The following UBASH3B variants were observed in gnomAD, a reference collection of about 807,000 sequenced individuals.
UBASH3B encodes ubiquitin-associated and SH3 domain-containing protein B.
UBASH3B carries 37 observed loss-of-function variants against 83.4 expected under a neutral mutation model. That is an observed-to-expected ratio of 0.44 (90% confidence interval 0.34 to 0.58). UBASH3B has a LOEUF of 0.58. Ranked by LOEUF, UBASH3B falls within the 20% of genes least tolerant of loss-of-function variation. The probability of loss-of-function intolerance (pLI) is 0.01; values close to 1 mark genes in which losing one functional copy is unlikely to be tolerated. For missense variants in UBASH3B, 657 were observed against 827.2 expected, an observed-to-expected ratio of 0.79 and a Z score of 2.52; for synonymous variants, 304 against 318.3, an observed-to-expected ratio of 0.96 and a Z score of 0.48.
chr11:122,662,972 C>CTTTTTTTTTTTTTTT (rs568564848), intron 1 of UBASH3B, among the ~76,000 whole-genome samples: 6 of 110,596 alleles, frequency 5.4e-5, no homozygotes, highest in African/African-American at 1.8e-4. Flanking sequence ...GCGCTAATGT[C>CTTTTTTTTTTTTTTT]TTTTTTTTTT....
chr11:122,802,088 A>G (rs1229375394), intron 11 of UBASH3B, among the ~76,000 whole-genome samples: 1 of 152,172 alleles, frequency 6.6e-6, no homozygotes, highest in East Asian at 1.9e-4. Context: ...AGGCCGAGGC[A>G]GGTGGATCGT....
In UBASH3B at chr11:122,810,775, T is replaced by C. The variant is rs1861432678; in HGVS notation, c.*889T>C. 6.6e-6 allele frequency: 1 copy of C among 152,236 alleles called. No individual in the cohort carries two copies. Among genetic ancestry groups the C allele is most frequent in the Non-Finnish European group, 1.5e-5 (1 of 68,042 alleles). 9.4% of individuals were successfully genotyped at this position (152,236 alleles called of 1,614,324 possible). A position where few individuals can be genotyped will look rare whatever the true frequency, so the allele number is the denominator to read the frequency against. ...CCCCTAGACTCTAGACTATGTTAAC[T>C]AGTTAAGGATGTTACATTTTGAAAG... On this transcript the variant is annotated 3_prime_UTR_variant, in exon 14 of 14. Transcript: ENST00000284273.
intron 1 of UBASH3B, among the ~76,000 whole-genome samples, chr11:122,657,803 G>A (rs1863383775): frequency 6.6e-6 from 1 of 152,126 alleles, no homozygotes; most frequent in Admixed American, 6.5e-5. Flanking sequence ...CAGAATTACA[G>A]GGAGAAAATG....
At chr11:122,672,727 A>G (rs1048714205) in intron 1 of UBASH3B, among the ~76,000 whole-genome samples, 3 of 152,192 alleles carry the variant, frequency 2.0e-5, no homozygotes, top group Non-Finnish European at 4.4e-5. Flanking sequence ...CCACGTACAG[A>G]TGCTCGACCT....
intron 1 of UBASH3B, among the ~76,000 whole-genome samples, chr11:122,714,989 G>C (rs921974051): frequency 1.3e-5 from 2 of 151,842 alleles, no homozygotes; most frequent in Non-Finnish European, 2.9e-5. Context: ...TCTGTCGCCC[G>C]GGCTGGAGTG....
intron 11 of UBASH3B, among the ~76,000 whole-genome samples, chr11:122,802,121 C>G (rs889191853): frequency 6.6e-6 from 1 of 152,040 alleles, no homozygotes; most frequent in South Asian, 2.1e-4. Context: ...TCAAGACCAG[C>G]CTGTCCAACA....
In UBASH3B at chr11:122,807,894, A is replaced by G. The variant is rs183417016; in HGVS notation, c.1703-173A>G. ...CTATTTTAAGATAAATGTTTTCTTTAAAAAGATTAAGCTGCCTTATCAGTA... is the reference window on the plus strand; with the variant it reads ...CTATTTTAAGATAAATGTTTTCTTTGAAAAGATTAAGCTGCCTTATCAGTA... On this transcript the variant is annotated intron_variant, in intron 12 of 13. Transcript: ENST00000284273. Among the ~76,000 whole-genome samples the G allele has an allele frequency of 2.9e-3, 449 of 152,346 alleles. 2 individuals carry two copies. The highest frequency in any genetic ancestry group is 0.01 in the African/African-American group (416 of 41,584).
chr11:122,688,410 C>T (rs369065289), intron 1 of UBASH3B, among the ~76,000 whole-genome samples: 4 of 150,382 alleles, frequency 2.7e-5, no homozygotes. Flanking sequence ...ACTACAGGCA[C>T]ATGCCACCAC....
chr11:122,658,783 A>T (rs1000162791), intron 1 of UBASH3B, among the ~76,000 whole-genome samples: 4 of 152,254 alleles, frequency 2.6e-5, no homozygotes, highest in African/African-American at 9.6e-5. Context: ...CATAGTGAGC[A>T]ATCGTGAAGT....
chr11:122,809,965 C>G lies in UBASH3B; in HGVS notation c.*79C>G. On this transcript the variant is annotated 3_prime_UTR_variant, in exon 14 of 14. Transcript: ENST00000284273. ...TTTAAAAACAGTGGGAAAATCCACA[C>G]CACACTCTAAGTGGACAGCTCAGAA... 1.3e-6 allele frequency: 2 copies of G among 1,518,802 alleles called. No homozygotes were observed. The highest frequency in any genetic ancestry group is 2.4e-5 in the South Asian group (2 of 83,648). 94.1% of individuals were successfully genotyped at this position (1,518,802 alleles called of 1,614,324 possible). A position where few individuals can be genotyped will look rare whatever the true frequency, so the allele number is the denominator to read the frequency against.
rs181042364 is a variant in UBASH3B, at chr11:122,713,864, C to G, written c.161+57654C>G. On this transcript the variant is annotated intron_variant, in intron 1 of 13. Transcript: ENST00000284273. The stretch of plus-strand genomic sequence containing the variant: ...CTCCACCAGTAACTCAGATATGCAG[C>G]TGGCTTTGTGACCTCATCCAGTGCA... Among the ~76,000 whole-genome samples, 521 of 152,236 alleles carry G rather than the reference C, an allele frequency of 3.4e-3. 1 individual carries two copies. The highest frequency in any genetic ancestry group is 8.0e-3 in the Admixed American group (122 of 15,288).
chr11:122,702,607 C>A (rs563455160), intron 1 of UBASH3B, among the ~76,000 whole-genome samples: 39 of 152,078 alleles, frequency 2.6e-4, no homozygotes, highest in Admixed American at 6.5e-4. Flanking sequence ...TTACTGCAAC[C>A]TTTGCCTCCC....
intron 1 of UBASH3B, among the ~76,000 whole-genome samples, chr11:122,706,158 C>G (rs1864117768): frequency 6.8e-6 from 1 of 146,110 alleles, no homozygotes; most frequent in South Asian, 2.1e-4. Context: ...CTCTTGTTGC[C>G]CAGACTAGAG....
At chr11:122,775,061 C>T (rs915690681) in intron 1 of UBASH3B, among the ~76,000 whole-genome samples, 2 of 152,230 alleles carry the variant, frequency 1.3e-5, no homozygotes, top group African/African-American at 2.4e-5. Context: ...TACATGCCTA[C>T]TAGACAGAAA....
At chr11:122,681,461 A>G (rs889114666) in intron 1 of UBASH3B, among the ~76,000 whole-genome samples, 63 of 152,210 alleles carry the variant, frequency 4.1e-4, no homozygotes, top group Admixed American at 1.2e-3. Flanking sequence ...GATTGAGAAT[A>G]TAAGTCCCAG....
chr11:122,730,885 G>A (rs896565275), intron 1 of UBASH3B, among the ~76,000 whole-genome samples: 2 of 152,294 alleles, frequency 1.3e-5, no homozygotes, highest in African/African-American at 2.4e-5. Flanking sequence ...ATGGGCCACC[G>A]CTCCTGGCCA....
Position 122,809,829 on chromosome 11 carries a change from T to C in UBASH3B, c.1893T>C (p.Pro631=), listed in dbSNP as rs773576339. The C allele has an allele frequency of 2.2e-5, 35 of 1,614,068 alleles. No individual in the cohort carries two copies. Among genetic ancestry groups the C allele is most frequent in the Non-Finnish European group, 2.6e-5 (31 of 1,180,036 alleles). ...AGCTGACAGATCCACCAATCCTTCC[T>C]CTTACCCATGGACCAACTGGGGGCT... The part of the protein sequence containing the change: ...IWQLTDPPIL[P]LTHGPTGGFN... The change falls in exon 14 of 14, where the codon CCT becomes CCC. Residue 631 remains proline (P), a synonymous_variant. Coordinates refer to ENST00000284273, the MANE Select transcript of UBASH3B (RefSeq NM_032873.5).
intron 1 of UBASH3B, among the ~76,000 whole-genome samples, chr11:122,685,457 A>G (rs950987207): frequency 6.6e-6 from 1 of 152,214 alleles, no homozygotes; most frequent in African/African-American, 2.4e-5. Flanking sequence ...ATAGGCAGAG[A>G]TGGAGTTTTC....
chr11:122,727,939 A>G (rs1044590096), intron 1 of UBASH3B, among the ~76,000 whole-genome samples: 2 of 152,124 alleles, frequency 1.3e-5, no homozygotes, highest in Non-Finnish European at 2.9e-5. Flanking sequence ...CTCCTTACCT[A>G]GAGGAAGTCC....
Sources: gnomAD v4.1 joint callset for allele counts (sites outside exome capture counted in the v4.1 genomes callset) on GRCh38, gnomAD v4.1.1 for gene constraint, MANE v1.5 for transcripts, NCBI Gene and HGNC (gene_info 2026-07-23, HGNC 2026-07-21) for gene names.